Variants in UGT1A10 observed in about 807,000 individuals in gnomAD.
The protein encoded by UGT1A10 is UDP-glucuronosyltransferase 1A10.
UGT1A10 carries 49 observed loss-of-function variants against 45.8 expected under a neutral mutation model. The observed-to-expected ratio is 1.07, with a 90% CI of 0.85 to 1.36. The LOEUF is 1.36. Among genes scored for constraint, UGT1A10 ranks in the 40% most tolerant of loss-of-function variants. The pLI is 0.00. For synonymous variants in UGT1A10, 284 were observed against 249.7 expected, an observed-to-expected ratio of 1.14 and a Z score of -1.29; for missense variants, 745 against 668.6, an observed-to-expected ratio of 1.11 and a Z score of -1.26.
At chr2:233,764,520 A>G (rs935086504) in intron 1 of UGT1A10, among the ~76,000 whole-genome samples, 4 of 152,220 alleles carry the variant, frequency 2.6e-5, no homozygotes, top group African/African-American at 4.8e-5. Context: ...TGTGAATCAC[A>G]TCCTGCTGAT....
intron 1 of UGT1A10, among the ~76,000 whole-genome samples, chr2:233,669,226 G>C (rs1180001242): frequency 1.3e-5 from 2 of 151,486 alleles, no homozygotes; most frequent in African/African-American, 4.9e-5. Flanking sequence ...TTTGTAATAA[G>C]TCTTGAAATT....
At chr2:233,692,058 G>A (rs1175564530) in intron 1 of UGT1A10, 1 of 152,118 alleles carries the variant, frequency 6.6e-6, no homozygotes, top group Non-Finnish European at 1.5e-5. Context: ...GCGATTAGAG[G>A]GAAGAAAGGA....
At chr2:233,730,348 T>A (rs2078018262) in intron 1 of UGT1A10, among the ~76,000 whole-genome samples, 1 of 152,216 alleles carries the variant, frequency 6.6e-6, no homozygotes, top group Non-Finnish European at 1.5e-5. Flanking sequence ...TGATCCATCC[T>A]GGATTTTTTG....
At chr2:233,672,759 C>G (rs1294550035) in intron 1 of UGT1A10, 5 of 1,613,812 alleles carry the variant, frequency 3.1e-6, no homozygotes, top group Non-Finnish European at 3.4e-6. Context: ...TTGGTGGTAT[C>G]AACTGCCATC....
chr2:233,761,524 A>G (rs1388397599), intron 1 of UGT1A10, among the ~76,000 whole-genome samples: 1 of 152,234 alleles, frequency 6.6e-6, no homozygotes, highest in Non-Finnish European at 1.5e-5. Flanking sequence ...AATGTTCAGG[A>G]CTGATGAAAT....
At chr2:233,690,213 C>T (rs927576609) in intron 1 of UGT1A10, among the ~76,000 whole-genome samples, 4 of 152,156 alleles carry the variant, frequency 2.6e-5, no homozygotes, top group Non-Finnish European at 4.4e-5. Context: ...CAATGTTTGC[C>T]ATTTTAGTAT....
At chr2:233,712,888 T>C in intron 1 of UGT1A10, 6 of 1,603,412 alleles carry the variant, frequency 3.7e-6, no homozygotes, top group Non-Finnish European at 5.1e-6. Flanking sequence ...CAATTACATG[T>C]TGATTTGCTA....
At chr2:233,653,769 G>C (rs1218583930) in intron 1 of UGT1A10, among the ~76,000 whole-genome samples, 1 of 152,172 alleles carries the variant, frequency 6.6e-6, no homozygotes, top group African/African-American at 2.4e-5. Flanking sequence ...GCAAATTTTT[G>C]TATTTTTAGT....
chr2:233,642,739 C>A (rs903545249), intron 1 of UGT1A10, among the ~76,000 whole-genome samples: 2 of 152,214 alleles, frequency 1.3e-5, no homozygotes. Flanking sequence ...CACCCCAAGC[C>A]TAGTAACGCT....
rs2073294630 is a variant in UGT1A10, at chr2:233,636,540, G to A, written c.18G>A (p.Trp6Ter). MARAG[W>*]TSPVPLCVCL... ...GTTCTCTCATGGCTCGCGCAGGGTG[G>A]ACCAGCCCCGTTCCTTTATGTGTGT... Residue 6 changes from tryptophan to a stop codon, truncating the protein, a stop_gained, in exon 1 of 5, where the codon TGG (tryptophan) becomes TGA (stop). Coordinates refer to ENST00000344644, the MANE Select transcript of UGT1A10 (RefSeq NM_019075.4). LOFTEE classifies it high-confidence loss of function. The A allele has an allele frequency of 1.9e-6, 3 of 1,613,764 alleles. No homozygotes were observed. The highest frequency in any genetic ancestry group is 2.5e-6 in the Non-Finnish European group (3 of 1,179,894).
rs905661538 is a variant in UGT1A10 at position 233,637,098 on chromosome 2, T to C, written c.576T>C (p.Asn192=). The C allele has an allele frequency of 1.2e-6, 2 of 1,613,926 alleles. No homozygotes were observed. The highest frequency in any genetic ancestry group is 8.5e-7 in the Non-Finnish European group (1 of 1,179,834). ...CTGCTCCTCTTTCCTATGTCCCCAA[T>C]GATCTCTTAGGGTTCTCAGATGCCA... is the stretch of plus-strand genomic sequence containing the variant. ...QCPAPLSYVP[N]DLLGFSDAMT... The change falls in exon 1 of 5, where the codon AAT becomes AAC. Residue 192 remains asparagine (N), a synonymous_variant. Transcript: ENST00000344644.
At chr2:233,644,307 C>T (rs994495336) in intron 1 of UGT1A10, among the ~76,000 whole-genome samples, 1 of 152,292 alleles carries the variant, frequency 6.6e-6, no homozygotes, top group African/African-American at 2.4e-5. Context: ...GTGGCTCATG[C>T]CTGTAATCCC....
At chr2:233,738,589 T>A (rs765619783) in intron 1 of UGT1A10, among the ~76,000 whole-genome samples, 10 of 152,236 alleles carry the variant, frequency 6.6e-5, no homozygotes, top group Admixed American at 1.3e-4. Flanking sequence ...CAAAGGTCAC[T>A]CTTGCTAAGC....
At chr2:233,707,758 G>A (rs2075985485) in intron 1 of UGT1A10, among the ~76,000 whole-genome samples, 1 of 152,172 alleles carries the variant, frequency 6.6e-6, no homozygotes, top group African/African-American at 2.4e-5. Flanking sequence ...TGAAACACAT[G>A]TGAGTGGGTT....
intron 1 of UGT1A10, among the ~76,000 whole-genome samples, chr2:233,677,872 A>T (rs28948388): frequency 0.028 from 4,312 of 152,304 alleles, 98 homozygotes; most frequent in Non-Finnish European, 0.045. Context: ...ATGCACTGGT[A>T]TGTTCATTGC....
Position 233,709,909 on chromosome 2 carries a change from A to G in UGT1A10, c.856-57125A>G, listed in dbSNP as rs186719826. Reference sequence around the variant, plus strand: ...TTCTGTCCTATCTCAGTCACCTAATACCTCCCCTCACCTTAGGCAACCCTG... The same window carrying G: ...TTCTGTCCTATCTCAGTCACCTAATGCCTCCCCTCACCTTAGGCAACCCTG... On this transcript the variant is annotated intron_variant, in intron 1 of 4. Coordinates refer to ENST00000344644, the MANE Select transcript of UGT1A10 (RefSeq NM_019075.4). 8.5e-5 allele frequency among the ~76,000 whole-genome samples: 13 copies of G among 152,088 alleles called. No homozygotes were observed. The East Asian group carries it at 2.5e-3, about 29-fold the overall frequency.
chr2:233,763,116 C>G lies in UGT1A10; in HGVS notation c.856-3918C>G, dbSNP rs565550780. On this transcript the variant is annotated intron_variant, in intron 1 of 4. Transcript: ENST00000344644. ...GAGAGGCACCGAACTTTATCAGCTG[C>G]CTTTCTGGCATTTATTGATATAACC... Among the ~76,000 whole-genome samples, 8 of 152,296 alleles carry G rather than the reference C, an allele frequency of 5.3e-5. No individual in the cohort carries two copies. The South Asian group carries it at 8.3e-4, about 16-fold the overall frequency.
chr2:233,762,062 A>G (rs1056836551), intron 1 of UGT1A10, among the ~76,000 whole-genome samples: 8 of 152,148 alleles, frequency 5.3e-5, no homozygotes, highest in Non-Finnish European at 8.8e-5. Flanking sequence ...TTCATAGCAC[A>G]TCAAATATGG....
intron 1 of UGT1A10, among the ~76,000 whole-genome samples, chr2:233,732,390 C>G (rs1458473666): frequency 6.6e-6 from 1 of 152,216 alleles, no homozygotes; most frequent in Admixed American, 6.5e-5. Flanking sequence ...TAGGCCATGC[C>G]TATGCCTAAA....
Sources: allele counts gnomAD v4.1 joint callset (sites outside exome capture counted in the v4.1 genomes callset), GRCh38; gene constraint gnomAD v4.1.1; transcripts MANE v1.5; gene names NCBI Gene and HGNC (gene_info 2026-07-23, HGNC 2026-07-21).